NDST1: variants seen among roughly 807,000 people sequenced by gnomAD.
NDST1 encodes the protein bifunctional heparan sulfate N-deacetylase/N-sulfotransferase 1.
Under a neutral mutation model 92.8 loss-of-function variants are expected in NDST1, and 35 were observed. The ratio of observed to expected loss-of-function variants is 0.38; its 90% CI spans 0.29 to 0.50. NDST1 has a LOEUF of 0.50. Ranked by LOEUF, NDST1 falls within the 20% of genes least tolerant of loss-of-function variation. NDST1 has a pLI of 0.94. For synonymous variants in NDST1, 493 were observed against 500.3 expected (o/e 0.99, Z 0.19); for missense variants, 822 against 1,182.7 (o/e 0.69, Z 4.47).
chr5:150,542,947 A>G lies in NDST1; in HGVS notation c.1946A>G (p.His649Arg). Residue 649 changes from histidine to arginine, a missense_variant, in exon 10 of 15, where the codon CAC becomes CGC. Physicochemically the swap from His to Arg is conservative, Grantham distance 29. Coordinates refer to ENST00000261797, the MANE Select transcript of NDST1 (RefSeq NM_001543.5). Reference sequence around the variant, plus strand: ...GAGGAGATCCAGTTTTTTAATGGCCACAACTATCACAAAGGCATCGACTGG... The same window carrying G: ...GAGGAGATCCAGTTTTTTAATGGCCGCAACTATCACAAAGGCATCGACTGG... ...TFEEIQFFNG[H>R]NYHKGIDWYM... 6.2e-7 allele frequency: 1 copy of G among 1,614,094 alleles called. No homozygotes were observed. The highest frequency in any genetic ancestry group is 8.5e-7 in the Non-Finnish European group (1 of 1,179,968).
chr5:150,532,241 G>T (rs1409787193), intron 3 of NDST1, among the ~76,000 whole-genome samples: 1 of 152,184 alleles, frequency 6.6e-6, no homozygotes, highest in Non-Finnish European at 1.5e-5. Context: ...CGAATAGCTG[G>T]CATACATGCG....
Position 150,521,576 on chromosome 5 carries a change from C to A in NDST1, c.322C>A (p.Arg108Ser). 1 of 1,614,034 alleles carries A rather than the reference C, an allele frequency of 6.2e-7. No individual in the cohort carries two copies. Among genetic ancestry groups the A allele is most frequent in the Non-Finnish European group, 8.5e-7 (1 of 1,180,030 alleles). The change falls in exon 2 of 15, where the codon CGC becomes AGC. Residue 108 changes from arginine to serine, a missense_variant. Transcript: ENST00000261797. This position sits in a 1 kb window ranked among gnomAD's most constrained non-coding sequence, Gnocchi z 5.9. ...QEVVAILESSRFKYRTEIAPG... is the reference protein window; with the variant it reads ...QEVVAILESSSFKYRTEIAPG... ...GGTGGTGGCCATCCTGGAGTCCAGC[C>A]GCTTCAAATACCGCACAGAGATTGC...
At chr5:150,544,079 T>G (rs2151298202) in intron 10 of NDST1, among the ~76,000 whole-genome samples, 1 of 152,348 alleles carries the variant, frequency 6.6e-6, no homozygotes, top group African/African-American at 2.4e-5. Flanking sequence ...GCCCGGCCCA[T>G]CTACCTACAT....
In NDST1 at chr5:150,551,764, A is replaced by G. The variant is rs1420708998; in HGVS notation, c.2438A>G (p.Lys813Arg). ...TCCCACCTCCACAGGTTTGATCCAA[A>G]GAAAGGATTTTGGTGCCAACTGCTT... ...DYHKTLAFDPKKGFWCQLLEG... is the reference protein window; with the variant it reads ...DYHKTLAFDPRKGFWCQLLEG... Residue 813 changes from lysine (K) to arginine (R), a missense_variant, in exon 14 of 15, where the codon AAG (lysine) becomes AGG (arginine). Coordinates refer to ENST00000261797, the MANE Select transcript of NDST1 (RefSeq NM_001543.5). 2 of 1,613,122 alleles carry G rather than the reference A, an allele frequency of 1.2e-6. No homozygotes were observed. The highest frequency in any genetic ancestry group is 1.7e-6 in the Non-Finnish European group (2 of 1,179,316).
chr5:150,535,021 C>T lies in NDST1; in HGVS notation c.1251C>T (p.Val417=), dbSNP rs200895302. The part of the protein sequence containing the change: ...EQMALNKKFA[V]EHGIPTDMGY... Reference sequence around the variant, plus strand: ...TGGCCTTGAACAAGAAGTTCGCTGTCGTGAGTAAGATTCCTTGCAGGGCAG... The same window carrying T: ...TGGCCTTGAACAAGAAGTTCGCTGTTGTGAGTAAGATTCCTTGCAGGGCAG... Residue 417 remains valine, a splice_region_variant and synonymous_variant, in exon 5 of 15, where the codon GTC becomes GTT. Coordinates refer to ENST00000261797, the MANE Select transcript of NDST1 (RefSeq NM_001543.5). 64 of 1,613,718 alleles carry T rather than the reference C, an allele frequency of 4.0e-5. No individual in the cohort carries two copies. In the African/African-American group the frequency reaches 4.0e-4, roughly 10 times the overall value.
upstream of NDST1, among the ~76,000 whole-genome samples, chr5:150,505,410 C>T (rs1044295417): frequency 3.3e-5 from 5 of 152,224 alleles, no homozygotes; most frequent in African/African-American, 1.2e-4. Context: ...AAGAACCAGA[C>T]AGATGCTGGT....
chr5:150,509,409 G>A (rs948877506), intron 1 of NDST1, among the ~76,000 whole-genome samples: 7 of 152,186 alleles, frequency 4.6e-5, no homozygotes, highest in African/African-American at 1.7e-4. Flanking sequence ...GTGAGGCGAG[G>A]TGCTCACCAT....
intron 6 of NDST1, among the ~76,000 whole-genome samples, chr5:150,538,266 G>A (rs1192281974): frequency 2.6e-5 from 4 of 152,246 alleles, no homozygotes; most frequent in Non-Finnish European, 5.9e-5. Flanking sequence ...GGCCATGTAA[G>A]GCCAGCCATT....
chr5:150,531,184 C>G (rs2151283138), intron 3 of NDST1, among the ~76,000 whole-genome samples: 1 of 152,194 alleles, frequency 6.6e-6, no homozygotes, highest in Middle Eastern at 3.4e-3. Context: ...TAAATAATAC[C>G]AATAGCAGCT....
upstream of NDST1, among the ~76,000 whole-genome samples, chr5:150,506,070 G>A (rs973239628): frequency 2.0e-5 from 3 of 152,180 alleles, no homozygotes; most frequent in Non-Finnish European, 4.4e-5. Context: ...TAAGTGCAGC[G>A]TCTCAGGAGG....
intron 2 of NDST1, among the ~76,000 whole-genome samples, chr5:150,527,019 C>A (rs1255574331): frequency 1.3e-5 from 2 of 152,206 alleles, no homozygotes; most frequent in Non-Finnish European, 2.9e-5. Flanking sequence ...ATATGGGGCA[C>A]CCCCAGCAGA....
intron 12 of NDST1, among the ~76,000 whole-genome samples, chr5:150,549,074 C>T (rs530349388): frequency 2.0e-5 from 3 of 152,266 alleles, no homozygotes; most frequent in East Asian, 1.9e-4. Context: ...TGCAGTGGCA[C>T]GATCTTGGCT....
chr5:150,544,640 C>T (rs1581404451), intron 10 of NDST1, among the ~76,000 whole-genome samples: 3 of 152,196 alleles, frequency 2.0e-5, no homozygotes, highest in Non-Finnish European at 4.4e-5. Context: ...AGAAGTTGGA[C>T]CCTGAGTTTG....
intron 12 of NDST1, 73 bp downstream of exon 12, chr5:150,548,461 CTCTT>C: frequency 1.3e-6 from 2 of 1,535,438 alleles, no homozygotes; most frequent in Non-Finnish European, 1.8e-6. Context: ...GAGCCTCCAA[CTCTT>C]TCTCACCAGC....
At chr5:150,546,705 G>A (rs1014007476) in intron 11 of NDST1, among the ~76,000 whole-genome samples, 19 of 152,318 alleles carry the variant, frequency 1.2e-4, no homozygotes, top group African/African-American at 3.6e-4. Context: ...GCTGTCTCCC[G>A]CCTGGGACCT....
chr5:150,512,438 A>T (rs1581348564), intron 1 of NDST1, among the ~76,000 whole-genome samples: 1 of 152,232 alleles, frequency 6.6e-6, no homozygotes, highest in African/African-American at 2.4e-5. Flanking sequence ...TGGAAAGGTC[A>T]TGGTCGCCAC....
At chr5:150,499,722 C>A (rs1753150191) in intron 1 of NDST1, among the ~76,000 whole-genome samples, 1 of 152,242 alleles carries the variant, frequency 6.6e-6, no homozygotes, top group African/African-American at 2.4e-5. Context: ...TGCGTAGCCA[C>A]TGACCCAGGC....
At chr5:150,508,967 G>C (rs1308846280) in intron 1 of NDST1, among the ~76,000 whole-genome samples, 2 of 152,176 alleles carry the variant, frequency 1.3e-5, no homozygotes, top group African/African-American at 4.8e-5. Flanking sequence ...AATGGAGGCT[G>C]TGGCACCCCC....
intron 1 of NDST1, among the ~76,000 whole-genome samples, chr5:150,516,268 T>C (rs1200987754): frequency 6.6e-6 from 1 of 152,246 alleles, no homozygotes; most frequent in Admixed American, 6.5e-5. Context: ...GTCCTGGGGC[T>C]GTCAGACTCT....
Sources: allele counts gnomAD v4.1 joint callset (sites outside exome capture counted in the v4.1 genomes callset), GRCh38; gene constraint gnomAD v4.1.1; non-coding constraint Gnocchi (gnomAD v3.1); transcripts MANE v1.5; gene names NCBI Gene and HGNC (gene_info 2026-07-23, HGNC 2026-07-21).